The following ADAMTSL1 variants were observed in gnomAD, a reference collection of about 807,000 sequenced individuals.
The protein encoded by ADAMTSL1 is ADAMTS like 1, also known as ADAMTS-like protein 1.
ADAMTSL1 carries 126 observed loss-of-function variants against 201.8 expected under a neutral mutation model. The ratio of observed to expected loss-of-function variants is 0.62; its 90% confidence interval spans 0.54 to 0.72. The LOEUF (loss-of-function observed/expected upper bound fraction) is 0.72. ADAMTSL1 is among the 30% of genes least tolerant of loss of function. ADAMTSL1 has a pLI of 0.00. For synonymous variants in ADAMTSL1, 1,121 were observed against 903.4 expected (o/e 1.24, Z -4.32); for missense variants, 2,679 against 2,277.8 (o/e 1.18, Z -3.59).
chr9:18,122,302 T>C (rs1825535869), intron 1 of ADAMTSL1, among the ~76,000 whole-genome samples: 1 of 152,166 alleles, frequency 6.6e-6, no homozygotes, highest in Non-Finnish European at 1.5e-5. Flanking sequence ...CACCATGTGG[T>C]ACATCCTGGA....
chr9:17,937,245 A>G (rs937101660), intron 1 of ADAMTSL1, among the ~76,000 whole-genome samples: 4 of 152,260 alleles, frequency 2.6e-5, no homozygotes, highest in South Asian at 2.1e-4. Flanking sequence ...GCCCTGCTCA[A>G]TGTTGGCCTG....
intron 4 of ADAMTSL1, among the ~76,000 whole-genome samples, chr9:18,582,466 G>A (rs574287123): frequency 6.6e-6 from 1 of 152,302 alleles, no homozygotes; most frequent in South Asian, 2.1e-4. Context: ...GAGGAACCCG[G>A]TGGGAGGCGA....
chr9:17,933,091 A>AAGTGG (rs1303428112), intron 1 of ADAMTSL1, among the ~76,000 whole-genome samples: 1 of 152,180 alleles, frequency 6.6e-6, no homozygotes, highest in Middle Eastern at 3.2e-3. Flanking sequence ...GCCACAAATC[A>AAGTGG]AGTGGCTTAA....
chr9:18,024,554 A>G (rs1434933709), intron 1 of ADAMTSL1, among the ~76,000 whole-genome samples: 1 of 152,114 alleles, frequency 6.6e-6, no homozygotes, highest in Admixed American at 6.6e-5. Context: ...GCTTAGAAAA[A>G]TGGCTCCCAG....
intron 1 of ADAMTSL1, among the ~76,000 whole-genome samples, chr9:18,101,242 A>C (rs919311588): frequency 2.0e-5 from 3 of 152,164 alleles, no homozygotes; most frequent in Admixed American, 6.5e-5. Context: ...TCACGTCTAT[A>C]ATCTTAGCAC....
chr9:18,546,922 G>A (rs1214398937), intron 3 of ADAMTSL1, among the ~76,000 whole-genome samples: 1 of 152,052 alleles, frequency 6.6e-6, no homozygotes, highest in Non-Finnish European at 1.5e-5. Flanking sequence ...CGAAAATAAA[G>A]TTTGAAAACA....
intron 2 of ADAMTSL1, among the ~76,000 whole-genome samples, chr9:18,358,487 C>T (rs934402964): frequency 4.6e-5 from 7 of 152,024 alleles, no homozygotes; most frequent in African/African-American, 1.7e-4. Context: ...TCCATTATTC[C>T]AAAGAGAAAT....
At chr9:18,399,322 TATATATAA>T (rs1444741314) in intron 2 of ADAMTSL1, among the ~76,000 whole-genome samples, 7 of 127,694 alleles carry the variant, frequency 5.5e-5, no homozygotes, top group African/African-American at 1.5e-4. Context: ...TATATATATA[TATATATAA>T]AATTATTATT....
At chr9:17,921,733 T>A (rs1419448406) in intron 1 of ADAMTSL1, among the ~76,000 whole-genome samples, 1 of 152,102 alleles carries the variant, frequency 6.6e-6, no homozygotes, top group African/African-American at 2.4e-5. Context: ...AGTTCTGGAT[T>A]TAGTGACCCT....
chr9:18,054,671 T>A (rs970186961), intron 1 of ADAMTSL1, among the ~76,000 whole-genome samples: 1 of 152,232 alleles, frequency 6.6e-6, no homozygotes, highest in Non-Finnish European at 1.5e-5. Context: ...AAAGATGAAG[T>A]GACTTACTCA....
chr9:18,083,157 T>C (rs995253727), intron 1 of ADAMTSL1, among the ~76,000 whole-genome samples: 3 of 152,320 alleles, frequency 2.0e-5, no homozygotes, highest in East Asian at 1.9e-4. Context: ...AAACTGTGCC[T>C]TTAAGTTTGG....
chr9:18,355,640 T>C (rs2133049426), intron 2 of ADAMTSL1, among the ~76,000 whole-genome samples: 1 of 152,346 alleles, frequency 6.6e-6, no homozygotes, highest in African/African-American at 2.4e-5. Flanking sequence ...AAAGGGTTGT[T>C]TAGATTAATC....
intron 2 of ADAMTSL1, among the ~76,000 whole-genome samples, chr9:18,523,173 G>T (rs1261374710): frequency 6.6e-6 from 1 of 152,116 alleles, no homozygotes; most frequent in Non-Finnish European, 1.5e-5. Flanking sequence ...GTTTTGATTT[G>T]CATTTCTCTG....
chr9:18,125,028 GCTGTTAAAAAACAAAACAAATTTA>G (rs1489931999), intron 1 of ADAMTSL1, among the ~76,000 whole-genome samples: 1 of 152,002 alleles, frequency 6.6e-6, no homozygotes, highest in African/African-American at 2.4e-5. Flanking sequence ...CCCATCTCTT[GCTGTTAAAAAACAAAACAAATTTA>G]ATGAAAGTTG....
intron 2 of ADAMTSL1, among the ~76,000 whole-genome samples, chr9:18,377,375 A>G (rs1420183856): frequency 1.3e-5 from 2 of 152,226 alleles, no homozygotes; most frequent in Non-Finnish European, 1.5e-5. Context: ...CTGATAGTAG[A>G]ATTATTGTCT....
At chr9:18,556,880 A>T (rs987244425) in intron 3 of ADAMTSL1, among the ~76,000 whole-genome samples, 16 of 152,036 alleles carry the variant, frequency 1.1e-4, no homozygotes, top group Non-Finnish European at 5.9e-5. Flanking sequence ...TTTAACCTTC[A>T]GTTTGGAAAG....
chr9:17,920,263 CT>C (rs1157494744), intron 1 of ADAMTSL1, among the ~76,000 whole-genome samples: 2 of 152,210 alleles, frequency 1.3e-5, no homozygotes, highest in East Asian at 3.9e-4. Flanking sequence ...TTCCTTTGCC[CT>C]GCTAGCATTC....
chr9:18,187,150 A>G (rs775500890), intron 2 of ADAMTSL1, among the ~76,000 whole-genome samples: 61 of 152,224 alleles, frequency 4.0e-4, no homozygotes, highest in Non-Finnish European at 6.5e-4. Flanking sequence ...CCCCTCAGTC[A>G]TGGGCCTAAC....
chr9:18,439,643 G>A (rs1819909874), intron 2 of ADAMTSL1, among the ~76,000 whole-genome samples: 1 of 152,180 alleles, frequency 6.6e-6, no homozygotes, highest in Admixed American at 6.5e-5. Context: ...GGGATTACAG[G>A]CATGAGCCAC....
Sources: allele counts gnomAD v4.1 joint callset (sites outside exome capture counted in the v4.1 genomes callset), GRCh38; gene constraint gnomAD v4.1.1; transcripts MANE v1.5; gene names NCBI Gene and HGNC (gene_info 2026-07-23, HGNC 2026-07-21).